IDI1: variants seen among roughly 807,000 people sequenced by gnomAD.
IDI1 encodes the protein isopentenyl-diphosphate Delta-isomerase 1.
A neutral mutation model predicts 32.9 loss-of-function variants in IDI1; 23 were observed. The observed-to-expected ratio is 0.70, with a 90% CI of 0.50 to 0.99. The LOEUF (loss-of-function observed/expected upper bound fraction) is 0.99, where lower values mean the gene tolerates loss of function less well. Among genes scored for constraint, IDI1 ranks in the 50% least tolerant of loss-of-function variants. The pLI is 0.00. For synonymous variants in IDI1, 133 were observed against 128.2 expected (o/e 1.04, Z -0.25); for missense variants, 326 against 351.9 (o/e 0.93, Z 0.59).
intron 1 of IDI1, chr10:1,048,412 T>A (rs1294434286): frequency 3.8e-6 from 5 of 1,299,554 alleles, no homozygotes; most frequent in Non-Finnish European, 5.1e-6. Flanking sequence ...CGCAGGTGTA[T>A]GCACCCGCGT....
chr10:1,048,453 G>A, intron 1 of IDI1: 1 of 1,269,676 alleles, frequency 7.9e-7, no homozygotes, highest in Non-Finnish European at 1.0e-6. Context: ...GGGGAGGCCG[G>A]TGTCGTCACG....
chr10:1,056,465 G>GC, the IDI1 span: 1 of 152,148 alleles, frequency 6.6e-6, no homozygotes, highest in African/African-American at 2.4e-5. Flanking sequence ...AGCGCAGGCG[G>GC]CCCCGGGTCT....
upstream of IDI1, among the ~76,000 whole-genome samples, chr10:1,049,894 C>G (rs1344869956): frequency 1.9e-4 from 29 of 152,168 alleles, 1 homozygote; most frequent in Admixed American, 1.9e-3. Context: ...CTCAAGTGAT[C>G]CACCTGGCTC....
Position 1,041,279 on chromosome 10 carries a change from T to G in IDI1, c.763A>C (p.Lys255Gln). ...SGEIKITPWF[K>Q]IIAATFLFKW... The stretch of plus-strand genomic sequence containing the variant: ...AAGAGAAAAGTCGCTGCAATAATTT[T>G]AAACCATGGCGTTATCTTAATTTCA... The change falls in exon 5 of 5, where the codon AAA (lysine) becomes CAA (glutamine). Residue 255 changes from lysine to glutamine, a missense_variant. By Grantham distance (53) the Lys-to-Gln change is moderately conservative. Transcript: ENST00000381344. 1 of 1,613,458 alleles carries G rather than the reference T, an allele frequency of 6.2e-7. No homozygotes were observed. Among genetic ancestry groups the G allele is most frequent in the Non-Finnish European group, 8.5e-7 (1 of 1,179,478 alleles).
At chr10:1,048,453 G>C in intron 1 of IDI1, 1 of 1,269,676 alleles carries the variant, frequency 7.9e-7, no homozygotes, top group Non-Finnish European at 1.0e-6. Context: ...GGGGAGGCCG[G>C]TGTCGTCACG....
At chr10:1,048,675 C>T (rs944172226) in intron 1 of IDI1, 189 bp downstream of exon 1, 14 of 1,411,184 alleles carry the variant, frequency 9.9e-6, no homozygotes, top group African/African-American at 1.5e-5. Context: ...CGCGGGCGCC[C>T]ACCACAGCCC....
chr10:1,052,574 T>C (rs1418170456), upstream of IDI1, among the ~76,000 whole-genome samples: 3 of 152,208 alleles, frequency 2.0e-5, no homozygotes, highest in South Asian at 4.1e-4. Context: ...AAATCAGCAG[T>C]AATATTTTGA....
At position 1,048,978 on chromosome 10, in the gene IDI1, C is replaced by G; in HGVS notation, c.26G>C (p.Arg9Pro). The change falls in exon 1 of 5, where the codon CGA becomes CCA. Residue 9 changes from arginine (R) to proline (P), a missense_variant. Coordinates refer to ENST00000381344, the MANE Select transcript of IDI1 (RefSeq NM_004508.4). ...CCCCCGGGCCGCGCAGCCAATCGCT[C>G]GCGCCAGCGCCAGTCCACGCCACAT... MWRGLALARAIGCAARGRG... is the reference protein window; with the variant it reads MWRGLALAPAIGCAARGRG... 7 of 1,534,320 alleles carry G rather than the reference C, an allele frequency of 4.6e-6. No individual in the cohort carries two copies. The highest frequency in any genetic ancestry group is 1.8e-4 in the Middle Eastern group (1 of 5,608).
Position 1,044,189 on chromosome 10 carries a change from GAGAA to G in IDI1, c.141-22_141-19del, listed in dbSNP as rs1564486150. ...CTAGAACACTAATATTAAAGGAAAAGAGAAAGAAAGGCCATCATATATTTTTCTG... is the reference window on the plus strand; with the variant it reads ...CTAGAACACTAATATTAAAGGAAAAGAGAAAGGCCATCATATATTTTTCTG... On this transcript the variant is annotated intron_variant, in intron 1 of 4. Transcript: ENST00000381344. 5 of 1,576,392 alleles carry G rather than the reference GAGAA, an allele frequency of 3.2e-6. No homozygotes were observed. The highest frequency in any genetic ancestry group is 4.3e-6 in the Non-Finnish European group (5 of 1,156,090).
chr10:1,054,601 AGAAT>A, the IDI1 span, among the ~76,000 whole-genome samples: 1 of 152,202 alleles, frequency 6.6e-6, no homozygotes, highest in East Asian at 1.9e-4. Context: ...TGCAGGAGGG[AGAAT>A]GTAACTGGAT....
downstream of IDI1, chr10:1,039,263 C>G (rs1832480846): frequency 6.4e-6 from 1 of 155,254 alleles, no homozygotes; most frequent in Admixed American, 6.5e-5. Flanking sequence ...GGACTTGTCC[C>G]CAGGTGCCAG....
chr10:1,043,541 T>C, intron 2 of IDI1, 148 bp from the exon 3 acceptor site: 1 of 708,476 alleles, frequency 1.4e-6, no homozygotes, highest in Non-Finnish European at 2.6e-6. Flanking sequence ...TCTGCATGGC[T>C]ATGGTGAGGA....
intron 1 of IDI1, chr10:1,048,467 G>C: frequency 8.0e-7 from 1 of 1,257,446 alleles, no homozygotes; most frequent in Non-Finnish European, 1.0e-6. Flanking sequence ...CGTCACGCTC[G>C]TGTTTCTGAC....
At chr10:1,043,934 C>T in intron 2 of IDI1, 65 bp downstream of exon 2, 2 of 1,397,482 alleles carry the variant, frequency 1.4e-6, no homozygotes, top group Non-Finnish European at 2.0e-6. Context: ...ACAGAGTGCT[C>T]TTCTCAGCAA....
At position 1,044,405 on chromosome 10, in the gene IDI1, C is replaced by T. The variant is rs73576535; in HGVS notation, c.141-234G>A. ...TCATGCTCCTGAAGGCCAAGCTCAACGTTCCGCTCTAAATTCTTGACCTCT... is the reference window on the plus strand; with the variant it reads ...TCATGCTCCTGAAGGCCAAGCTCAATGTTCCGCTCTAAATTCTTGACCTCT... On this transcript the variant is annotated intron_variant, in intron 1 of 4. Transcript: ENST00000381344. Among the ~76,000 whole-genome samples the T allele has an allele frequency of 6.6e-3, 1,012 of 152,270 alleles. 8 individuals are homozygous for T. Among genetic ancestry groups the T allele is most frequent in the African/African-American group, 0.022 (926 of 41,540 alleles).
chr10:1,043,966 C>G, intron 2 of IDI1, 33 bp downstream of exon 2: 1 of 1,584,870 alleles, frequency 6.3e-7, no homozygotes, highest in East Asian at 2.2e-5. Flanking sequence ...CTACACAAAT[C>G]GCTTTACAAG....
At chr10:1,052,810 TAGCAAGGGTC>T (rs1833048123), upstream of IDI1, among the ~76,000 whole-genome samples, 1 of 152,188 alleles carries the variant, frequency 6.6e-6, no homozygotes, top group Non-Finnish European at 1.5e-5. Context: ...ACTAGCCCCC[TAGCAAGGGTC>T]AGCCTGTCCT....
upstream of IDI1, chr10:1,049,298 C>T (rs1589057879): frequency 7.0e-6 from 3 of 426,982 alleles, no homozygotes; most frequent in Non-Finnish European, 1.2e-5. Flanking sequence ...CGTCAGACGT[C>T]TCGAGGCTCG....
At chr10:1,049,188 G>C (rs1589057716), upstream of IDI1, 1 of 1,029,838 alleles carries the variant, frequency 9.7e-7, no homozygotes, top group Admixed American at 3.7e-5. Flanking sequence ...CGCAGAGGCA[G>C]CGTCCCGCGA....
Sources: gnomAD v4.1 joint callset for allele counts (sites outside exome capture counted in the v4.1 genomes callset) on GRCh38, gnomAD v4.1.1 for gene constraint, MANE v1.5 for transcripts, NCBI Gene and HGNC (gene_info 2026-07-23, HGNC 2026-07-21) for gene names.